The following MYO1H variants were observed in gnomAD, a reference collection of about 807,000 sequenced individuals.
MYO1H encodes the protein myosin IH.
MYO1H carries 118 observed loss-of-function variants against 149.3 expected under a neutral mutation model. The ratio of observed to expected loss-of-function variants is 0.79; its 90% confidence interval spans 0.68 to 0.92. MYO1H has a LOEUF of 0.92. MYO1H is among the 40% of genes least tolerant of loss of function. MYO1H has a pLI of 0.00. For synonymous variants in MYO1H, 447 were observed against 465.2 expected, an observed-to-expected ratio of 0.96 and a Z score of 0.50; for missense variants, 1,212 against 1,280.7, an observed-to-expected ratio of 0.95 and a Z score of 0.82.
At chr12:109,327,134 C>CTTTTTTT in the MYO1H span, among the ~76,000 whole-genome samples, 8 of 94,740 alleles carry the variant, frequency 8.4e-5, no homozygotes, top group South Asian at 3.5e-4. Flanking sequence ...TTTTCTTTTT[C>CTTTTTTT]TTTTTTTTTT....
intron 19 of MYO1H, among the ~76,000 whole-genome samples, chr12:109,431,107 C>T (rs1041887511): frequency 1.4e-5 from 2 of 145,672 alleles, no homozygotes; most frequent in Non-Finnish European, 3.0e-5. Flanking sequence ...AGGCCAGGCA[C>T]GGTGGCTCAC....
intron 14 of MYO1H, among the ~76,000 whole-genome samples, chr12:109,413,046 G>A (rs1016169833): frequency 3.3e-5 from 5 of 151,838 alleles, no homozygotes; most frequent in African/African-American, 9.7e-5. Flanking sequence ...GGGCGATCTC[G>A]GCTCACTGCA....
intron 27 of MYO1H, 60 bp downstream of exon 27, chr12:109,442,332 G>A (rs764830903): frequency 6.0e-6 from 9 of 1,506,216 alleles, no homozygotes; most frequent in Middle Eastern, 1.7e-4. Context: ...TAAGAGCAGG[G>A]TCCCCTTTCT....
chr12:109,330,288 A>C, the MYO1H span, among the ~76,000 whole-genome samples: 1 of 152,228 alleles, frequency 6.6e-6, no homozygotes, highest in African/African-American at 2.4e-5. Context: ...ACACACACAC[A>C]TACATATATA....
chr12:109,352,672 C>A (rs1444233654), intron 1 of MYO1H, among the ~76,000 whole-genome samples: 1 of 152,180 alleles, frequency 6.6e-6, no homozygotes, highest in Non-Finnish European at 1.5e-5. Context: ...TACCTAGATT[C>A]TACCATTAAC....
intron 12 of MYO1H, among the ~76,000 whole-genome samples, chr12:109,410,484 C>T (rs971944385): frequency 2.0e-5 from 3 of 152,122 alleles, no homozygotes; most frequent in Admixed American, 6.6e-5. Flanking sequence ...TGGAGATATT[C>T]CTGATTAGTA....
At chr12:109,369,719 A>T (rs976289413) in intron 1 of MYO1H, among the ~76,000 whole-genome samples, 3 of 152,248 alleles carry the variant, frequency 2.0e-5, no homozygotes, top group African/African-American at 7.2e-5. Context: ...TGCATTGGCC[A>T]GTATGGTCAG....
At chr12:109,422,299 C>A (rs2135574267) in intron 16 of MYO1H, among the ~76,000 whole-genome samples, 1 of 152,320 alleles carries the variant, frequency 6.6e-6, no homozygotes, top group South Asian at 2.1e-4. Flanking sequence ...TTCTCTGCCA[C>A]TTCTGGGACT....
chr12:109,442,332 G>C, intron 27 of MYO1H, 60 bp downstream of exon 27: 1 of 1,506,334 alleles, frequency 6.6e-7, no homozygotes, highest in Non-Finnish European at 9.2e-7. Flanking sequence ...TAAGAGCAGG[G>C]TCCCCTTTCT....
chr12:109,378,489 T>A (rs2137022185), intron 1 of MYO1H, among the ~76,000 whole-genome samples: 1 of 151,262 alleles, frequency 6.6e-6, no homozygotes, highest in Admixed American at 6.6e-5. Flanking sequence ...CCCAGCCAAT[T>A]TTTTTTTTCA....
At chr12:109,406,238 T>C (rs1870378202) in intron 8 of MYO1H, among the ~76,000 whole-genome samples, 1 of 151,888 alleles carries the variant, frequency 6.6e-6, no homozygotes, top group Admixed American at 6.6e-5. Flanking sequence ...GTGGCCTGTT[T>C]TGTAATAACG....
At chr12:109,445,780 G>A in intron 31 of MYO1H, 168 bp downstream of exon 31, 1 of 985,282 alleles carries the variant, frequency 1.0e-6, no homozygotes, top group Non-Finnish European at 1.2e-6. Flanking sequence ...AACTGATATA[G>A]AGATACACAC....
chr12:109,315,604 T>C, the MYO1H span, among the ~76,000 whole-genome samples: 1 of 152,210 alleles, frequency 6.6e-6, no homozygotes, highest in East Asian at 1.9e-4. Flanking sequence ...AATCGAAAAG[T>C]TGGCCACACT....
rs539547692 is a variant in MYO1H, at chr12:109,370,683, C to G, written c.13-18000C>G. On this transcript the variant is annotated intron_variant, in intron 1 of 31. Coordinates refer to ENST00000310903, the Ensembl canonical transcript of MYO1H. ...ATCAATGTTGATTTTCCTTCTTTAA[C>G]CTGTGCTCGCTCTCAGACCAGTGGC... 4.6e-5 allele frequency among the ~76,000 whole-genome samples: 7 copies of G among 152,288 alleles called. No homozygotes were observed. The South Asian group carries it at 1.5e-3, about 32-fold the overall frequency.
intron 1 of MYO1H, among the ~76,000 whole-genome samples, chr12:109,348,210 G>A (rs10774657): frequency 0.3 from 45,492 of 152,140 alleles, 7,358 homozygotes; most frequent in Middle Eastern, 0.39. Context: ...GAGAGTTACC[G>A]ATTCATTTCA....
intron 1 of MYO1H, among the ~76,000 whole-genome samples, chr12:109,373,758 A>T (rs1869035810): frequency 6.6e-6 from 1 of 152,164 alleles, no homozygotes; most frequent in African/African-American, 2.4e-5. Flanking sequence ...AATAACAAAC[A>T]CTCATATGCC....
At chr12:109,389,624 G>A (rs1168952455) in intron 2 of MYO1H, among the ~76,000 whole-genome samples, 3 of 152,146 alleles carry the variant, frequency 2.0e-5, no homozygotes, top group Non-Finnish European at 4.4e-5. Context: ...TTATTCAAAA[G>A]CTAGTTTTCG....
At chr12:109,434,308 C>T (rs1208145332) in intron 20 of MYO1H, among the ~76,000 whole-genome samples, 1 of 151,962 alleles carries the variant, frequency 6.6e-6, no homozygotes, top group Non-Finnish European at 1.5e-5. Flanking sequence ...CCGCGCCCAG[C>T]GTGATCTTCT....
intron 1 of MYO1H, among the ~76,000 whole-genome samples, chr12:109,378,487 A>AT (rs111335120): frequency 0.11 from 16,094 of 148,510 alleles, 1,202 homozygotes; most frequent in African/African-American, 0.21. Context: ...TACCCAGCCA[A>AT]TTTTTTTTTT....
Sources: gnomAD v4.1 joint callset for allele counts (sites outside exome capture counted in the v4.1 genomes callset) on GRCh38, gnomAD v4.1.1 for gene constraint, MANE v1.5 for transcripts, NCBI Gene and HGNC (gene_info 2026-07-23, HGNC 2026-07-21) for gene names.